Variants in GRIP1 observed in about 807,000 individuals in gnomAD.
GRIP1 encodes glutamate receptor interacting protein 1.
A neutral mutation model predicts 129.9 loss-of-function variants in GRIP1; 45 were observed. The ratio of observed to expected loss-of-function variants is 0.35; its 90% CI spans 0.27 to 0.44. The LOEUF is 0.44. GRIP1 is among the 20% of genes least tolerant of loss of function. The probability of loss-of-function intolerance (pLI) is 1.00; values close to 1 mark genes in which losing one functional copy is unlikely to be tolerated. For missense variants in GRIP1, 1,196 were observed against 1,396.8 expected (o/e 0.86, Z 2.29); for synonymous variants, 530 against 520.8 (o/e 1.02, Z -0.24).
chr12:66,972,845 A>C (rs1325635074), intron 1 of GRIP1, among the ~76,000 whole-genome samples: 1 of 152,212 alleles, frequency 6.6e-6, no homozygotes, highest in Non-Finnish European at 1.5e-5. Context: ...CTTACATGCA[A>C]ATCTGTTGTG....
intron 14 of GRIP1, among the ~76,000 whole-genome samples, chr12:66,429,233 G>C (rs1282780397): frequency 1.3e-5 from 2 of 152,144 alleles, no homozygotes; most frequent in African/African-American, 4.8e-5. Context: ...TTAATACTTA[G>C]AGCTTGCACA....
chr12:67,035,071 C>A (rs1431769161), intron 1 of GRIP1, among the ~76,000 whole-genome samples: 1 of 152,180 alleles, frequency 6.6e-6, no homozygotes, highest in African/African-American at 2.4e-5. Flanking sequence ...TATTCCTCAG[C>A]CTGATTTCCT....
Position 66,930,323 on chromosome 12 carries a change from T to C in GRIP1, c.58+138727A>G, listed in dbSNP as rs138018634. On this transcript the variant is annotated intron_variant, in intron 1 of 1. Coordinates refer to the GRIP1 transcript ENST00000643019. Reference sequence around the variant, plus strand: ...TTCCTGTGTCCATGTGTTCTCATTGTTCAATTCCCACCTATGAGTGAGAAC... The same window carrying C: ...TTCCTGTGTCCATGTGTTCTCATTGCTCAATTCCCACCTATGAGTGAGAAC... 1.3e-3 allele frequency among the ~76,000 whole-genome samples: 194 copies of C among 143,964 alleles called. 5 individuals are homozygous for C. The East Asian group carries it at 0.035, about 26-fold the overall frequency. The allele number at this position is 143,964 out of a possible 152,430, so 94.4% of individuals were successfully genotyped here. A position where few individuals can be genotyped will look rare whatever the true frequency, so the allele number is the denominator to read the frequency against.
intron 1 of GRIP1, among the ~76,000 whole-genome samples, chr12:66,796,290 T>G (rs1285566545): frequency 6.6e-6 from 1 of 151,848 alleles, no homozygotes; most frequent in Non-Finnish European, 1.5e-5. Context: ...TTTCCTATTC[T>G]GAGTGCATTA....
At chr12:66,839,176 A>T (rs1003376746) in intron 1 of GRIP1, among the ~76,000 whole-genome samples, 1 of 152,068 alleles carries the variant, frequency 6.6e-6, no homozygotes, top group African/African-American at 2.4e-5. Flanking sequence ...AAATGAAAAA[A>T]CCCTGCATTT....
At chr12:66,567,067 A>G (rs2062791087) in intron 2 of GRIP1, among the ~76,000 whole-genome samples, 1 of 152,120 alleles carries the variant, frequency 6.6e-6, no homozygotes, top group African/African-American at 2.4e-5. Flanking sequence ...GATCTTTTCA[A>G]AAAACCAGCT....
At chr12:66,677,652 A>G (rs1339805319) in intron 1 of GRIP1, among the ~76,000 whole-genome samples, 1 of 152,140 alleles carries the variant, frequency 6.6e-6, no homozygotes, top group East Asian at 1.9e-4. Flanking sequence ...CTTTTAAAGG[A>G]CTCACTCTGC....
intron 11 of GRIP1, among the ~76,000 whole-genome samples, chr12:66,447,459 TA>T: frequency 6.6e-6 from 1 of 152,354 alleles, no homozygotes; most frequent in Admixed American, 6.5e-5. Context: ...GTTTCTACCC[TA>T]AATCATGGTC....
chr12:66,911,819 A>G (rs2041034128), intron 1 of GRIP1, among the ~76,000 whole-genome samples: 2 of 152,188 alleles, frequency 1.3e-5, no homozygotes, highest in South Asian at 4.1e-4. Flanking sequence ...TCCCTTATTA[A>G]CAATACTTAG....
chr12:66,420,418 T>G (rs1003034288), intron 15 of GRIP1, among the ~76,000 whole-genome samples: 9 of 150,404 alleles, frequency 6.0e-5, no homozygotes, highest in South Asian at 4.2e-4. Flanking sequence ...TTTCAGGGTT[T>G]TTTTTTTTTT....
At chr12:66,823,859 C>A (rs1592879502) in intron 1 of GRIP1, among the ~76,000 whole-genome samples, 1 of 152,138 alleles carries the variant, frequency 6.6e-6, no homozygotes, top group African/African-American at 2.4e-5. Context: ...TTTTTACTGT[C>A]ATGTTTGGGC....
At chr12:66,629,257 T>G (rs982894750) in intron 1 of GRIP1, among the ~76,000 whole-genome samples, 1 of 152,234 alleles carries the variant, frequency 6.6e-6, no homozygotes, top group Non-Finnish European at 1.5e-5. Flanking sequence ...CATATTAAAA[T>G]GAATGAGCCT....
intron 1 of GRIP1, among the ~76,000 whole-genome samples, chr12:66,722,654 C>T (rs1300925750): frequency 6.6e-6 from 1 of 152,124 alleles, no homozygotes; most frequent in Admixed American, 6.5e-5. Context: ...CTGTGAAGCA[C>T]ATAGGGAGGC....
At chr12:66,909,065 T>C (rs566433421) in intron 1 of GRIP1, among the ~76,000 whole-genome samples, 10 of 152,354 alleles carry the variant, frequency 6.6e-5, no homozygotes, top group African/African-American at 2.4e-4. Context: ...TTTGTGATAA[T>C]ACCATTTATT....
chr12:66,709,860 G>A (rs951882729), intron 1 of GRIP1, among the ~76,000 whole-genome samples: 1 of 151,908 alleles, frequency 6.6e-6, no homozygotes, highest in Non-Finnish European at 1.5e-5. Flanking sequence ...GCTATTTTTT[G>A]AACACCTACT....
At chr12:66,855,820 A>C (rs2039992974) in intron 1 of GRIP1, among the ~76,000 whole-genome samples, 1 of 152,052 alleles carries the variant, frequency 6.6e-6, no homozygotes, top group Admixed American at 6.6e-5. Flanking sequence ...CTAATCCCAT[A>C]AGATATTCTT....
At chr12:66,375,993 G>T (rs1261591712) in intron 22 of GRIP1, among the ~76,000 whole-genome samples, 2 of 152,164 alleles carry the variant, frequency 1.3e-5, no homozygotes, top group Non-Finnish European at 1.5e-5. Flanking sequence ...TGCAGAAGGT[G>T]GTACAGGTTT....
intron 1 of GRIP1, among the ~76,000 whole-genome samples, chr12:66,879,799 G>C (rs535123436): frequency 6.6e-6 from 1 of 152,198 alleles, no homozygotes; most frequent in South Asian, 2.1e-4. Flanking sequence ...AGGTACAACA[G>C]TATAAGAGTA....
chr12:66,521,112 C>T (rs1308382151), intron 5 of GRIP1, among the ~76,000 whole-genome samples: 1 of 152,182 alleles, frequency 6.6e-6, no homozygotes, highest in African/African-American at 2.4e-5. Flanking sequence ...TCAATGAGTT[C>T]CTAGTTCCAC....
Sources: allele counts gnomAD v4.1 joint callset (sites outside exome capture counted in the v4.1 genomes callset), GRCh38; gene constraint gnomAD v4.1.1; transcripts MANE v1.5; gene names NCBI Gene and HGNC (gene_info 2026-07-23, HGNC 2026-07-21).